COL4A3: variants seen among roughly 807,000 people sequenced by gnomAD.
COL4A3 encodes collagen type IV alpha 3 chain, also known as collagen alpha-3(IV) chain.
A neutral mutation model predicts 217.4 loss-of-function variants in COL4A3; 135 were observed. The observed-to-expected ratio is 0.62, with a 90% CI of 0.54 to 0.72. The LOEUF (loss-of-function observed/expected upper bound fraction) is 0.72, where lower values mean the gene tolerates loss of function less well. Among genes scored for constraint, COL4A3 ranks in the 30% least tolerant of loss-of-function variants. The probability of loss-of-function intolerance (pLI) is 0.00; values close to 1 mark genes in which losing one functional copy is unlikely to be tolerated. For missense variants in COL4A3, 1,868 were observed against 2,119.9 expected (o/e 0.88, Z 2.33); for synonymous variants, 690 against 736.3 (o/e 0.94, Z 1.02).
chr2:227,292,558 T>C (rs181007276), intron 37 of COL4A3, among the ~76,000 whole-genome samples: 196 of 152,352 alleles, frequency 1.3e-3, no homozygotes, highest in Admixed American at 7.9e-3. Context: ...TTGGCTACCA[T>C]AGAAATTTTG....
intron 1 of COL4A3, among the ~76,000 whole-genome samples, chr2:227,218,080 C>CTATATATAGA (rs370637644): frequency 8.4e-6 from 1 of 118,378 alleles, no homozygotes; most frequent in Admixed American, 9.0e-5. Context: ...ATATATATAG[C>CTATATATAGA]TATATATATA....
chr2:227,254,691 T>G lies in COL4A3; in HGVS notation c.864T>G (p.Gly288=). The G allele has an allele frequency of 6.2e-7, 1 of 1,613,566 alleles. No individual in the cohort carries two copies. Among genetic ancestry groups the G allele is most frequent in the Non-Finnish European group, 8.5e-7 (1 of 1,179,570 alleles). Residue 288 remains glycine, a synonymous_variant, in exon 15 of 52, where the codon GGT becomes GGG. Coordinates refer to ENST00000396578, the MANE Select transcript of COL4A3 (RefSeq NM_000091.5). ...GAGAATCATATGGATCTGAAAAGGG[T>G]GCTCCTGGAGACCCTGGCCTGCAGG... The part of the protein sequence containing the change: ...LPGESYGSEK[G]APGDPGLQGK...
intron 30 of COL4A3, 148 bp from the exon 31 acceptor site, chr2:227,280,745 A>G: frequency 9.2e-7 from 1 of 1,084,352 alleles, no homozygotes; most frequent in East Asian, 2.4e-5. Flanking sequence ...TTCTTTTTTA[A>G]TGAGTGCCCT....
Position 227,272,980 on chromosome 2 carries a change from C to T in COL4A3, c.1790C>T (p.Pro597Leu), listed in dbSNP as rs781163705. 6.3e-5 allele frequency: 101 copies of T among 1,614,020 alleles called. 1 individual carries two copies. In the East Asian group the frequency reaches 9.1e-4, roughly 15 times the overall value. Residue 597 changes from proline to leucine, a missense_variant, in exon 26 of 52, where the codon CCT (proline) becomes CTT (leucine). Physicochemically the swap from Pro to Leu is moderately conservative, Grantham distance 98. This residue lies in a region of COL4A3 where 1,503 missense variants were observed against 1,786.1 expected (regional missense o/e 0.84). Coordinates refer to ENST00000396578, the MANE Select transcript of COL4A3 (RefSeq NM_000091.5). Reference protein sequence around the residue: ...ALSGEKGDQGPPGDPGSPGSP... With the variant: ...ALSGEKGDQGLPGDPGSPGSP... ...AGTGGTGAGAAAGGGGACCAAGGTC[C>T]TCCAGGGGATCCTGGCTCCCCTGGG...
At chr2:227,177,072 T>C (rs1388406129) in intron 1 of COL4A3, among the ~76,000 whole-genome samples, 1 of 151,658 alleles carries the variant, frequency 6.6e-6, no homozygotes, top group Non-Finnish European at 1.5e-5. Context: ...TCCTTCCAGA[T>C]TTTTTTTTCT....
chr2:227,227,830 C>T (rs1476353728), intron 1 of COL4A3: 1 of 152,166 alleles, frequency 6.6e-6, no homozygotes, highest in Non-Finnish European at 1.5e-5. Flanking sequence ...ATCAAGGGAT[C>T]CCGTGGAGCC....
chr2:227,273,352 T>C (rs1261837582), intron 26 of COL4A3, among the ~76,000 whole-genome samples: 1 of 152,166 alleles, frequency 6.6e-6, no homozygotes, highest in Non-Finnish European at 1.5e-5. Flanking sequence ...ATCTATTACA[T>C]ACATACATAT....
chr2:227,175,481 A>AT (rs1200055387), intron 1 of COL4A3, among the ~76,000 whole-genome samples: 1 of 152,182 alleles, frequency 6.6e-6, no homozygotes, highest in African/African-American at 2.4e-5. Context: ...AAAAAATGAA[A>AT]TAAAAAAAAC....
At chr2:227,305,954 G>A (rs990641479) in intron 47 of COL4A3, among the ~76,000 whole-genome samples, 2 of 151,978 alleles carry the variant, frequency 1.3e-5, no homozygotes, top group East Asian at 1.9e-4. Context: ...ATATTAAAAT[G>A]GTAAAGACTA....
In COL4A3 at chr2:227,246,651, C is replaced by T. The variant is rs200909738; in HGVS notation, c.388-34C>T. The T allele has an allele frequency of 2.6e-6, 4 of 1,561,128 alleles. No homozygotes were observed. In the Admixed American group the frequency reaches 6.7e-5, roughly 26 times the overall value. On this transcript the variant is annotated intron_variant, in intron 6 of 51. Transcript: ENST00000396578. ...ATCTGAATAGGCTCTTCTAGAACAA[C>T]TAAGAATAATAAGAAACTTTGTATG...
chr2:227,232,704 A>AT lies in COL4A3; in HGVS notation c.88-5258dup, dbSNP rs532757095. Among the ~76,000 whole-genome samples, 11 of 152,224 alleles carry AT rather than the reference A, an allele frequency of 7.2e-5. No homozygotes were observed. The South Asian group carries it at 2.1e-3, about 29-fold the overall frequency. On this transcript the variant is annotated intron_variant, in intron 1 of 51. Coordinates refer to ENST00000396578, the MANE Select transcript of COL4A3 (RefSeq NM_000091.5). ...AAATGTCTATTCAAATCTTTTGCCC[A>AT]TTTTTTGACCAGATGGTTTTAAATT...
rs1574658274 is a variant in COL4A3 at position 227,240,166 on chromosome 2, C to T, written c.168C>T (p.Pro56=). ...GEKGEKGFPG[P]PGSPGQKGFT... is the part of the protein sequence containing the mutation. ...AGGGGGAGAAGGGCTTTCCTGGACCCCCCGGTTCTCCTGGCCAGAAAGGAT... is the reference window on the plus strand; with the variant it reads ...AGGGGGAGAAGGGCTTTCCTGGACCTCCCGGTTCTCCTGGCCAGAAAGGAT... Residue 56 remains proline, a synonymous_variant, in exon 3 of 52, where the codon CCC becomes CCT. Coordinates refer to ENST00000396578, the MANE Select transcript of COL4A3 (RefSeq NM_000091.5). 2 of 1,610,762 alleles carry T rather than the reference C, an allele frequency of 1.2e-6. No individual in the cohort carries two copies. Among genetic ancestry groups the T allele is most frequent in the Admixed American group, 1.7e-5 (1 of 59,662 alleles).
intron 47 of COL4A3, 95 bp from the exon 48 acceptor site, chr2:227,307,615 C>A: frequency 9.5e-7 from 1 of 1,047,972 alleles, no homozygotes; most frequent in Non-Finnish European, 1.4e-6. Flanking sequence ...AATTTATGGG[C>A]TCAACATATA....
rs1328949436 is a variant in COL4A3, at chr2:227,259,867, T to C, written c.1104T>C (p.Arg368=). The change falls in exon 19 of 52, where the codon CGT becomes CGC. Residue 368 remains arginine (R), a synonymous_variant. Transcript: ENST00000396578. The part of the protein sequence containing the change: ...TPGPPGPRGA[R]GPQGPSGPPG... ...GCCCACCAGGGCCCAGAGGAGCTCG[T>C]GGCCCACAAGGTAAGAATAAATTTC... The C allele has an allele frequency of 6.2e-7, 1 of 1,612,544 alleles. No individual in the cohort carries two copies. The highest frequency in any genetic ancestry group is 8.5e-7 in the Non-Finnish European group (1 of 1,178,496).
chr2:227,165,699 A>G (rs144829737), intron 1 of COL4A3, among the ~76,000 whole-genome samples: 68 of 152,348 alleles, frequency 4.5e-4, no homozygotes, highest in African/African-American at 1.6e-3. Flanking sequence ...TACAAATGTT[A>G]TCATTGAGAT....
intron 23 of COL4A3, among the ~76,000 whole-genome samples, chr2:227,268,062 T>C (rs1204629916): frequency 2.0e-5 from 3 of 152,196 alleles, no homozygotes; most frequent in Admixed American, 6.5e-5. Flanking sequence ...GGCCTCTCTC[T>C]CCCTCGCTAC....
intron 1 of COL4A3, among the ~76,000 whole-genome samples, chr2:227,178,959 A>C (rs2065782916): frequency 1.3e-5 from 2 of 151,740 alleles, no homozygotes; most frequent in Non-Finnish European, 2.9e-5. Context: ...AATCATCATT[A>C]TTATTATTTT....
intron 14 of COL4A3, 62 bp downstream of exon 14, chr2:227,254,236 TG>T: frequency 1.4e-6 from 2 of 1,439,864 alleles, no homozygotes; most frequent in Non-Finnish European, 9.8e-7. Context: ...GTATTTACTT[TG>T]ATGTGTGTTT....
In COL4A3 at chr2:227,203,485, G is replaced by A. The variant is rs867468793; in HGVS notation, c.88-34483G>A. Among the ~76,000 whole-genome samples the A allele has an allele frequency of 8.6e-5, 4 of 46,638 alleles. 1 individual carries two copies. The highest frequency in any genetic ancestry group is 1.2e-4 in the Non-Finnish European group (3 of 25,556). The allele number at this position is 46,638 out of a possible 152,430, so 30.6% of individuals were successfully genotyped here. On this transcript the variant is annotated intron_variant, in intron 1 of 51. Coordinates refer to ENST00000396578, the MANE Select transcript of COL4A3 (RefSeq NM_000091.5). ...TGTGTGTATATATGTGTATACATATGTGTGTATATGTGTATATATACATAT... is the reference window on the plus strand; with the variant it reads ...TGTGTGTATATATGTGTATACATATATGTGTATATGTGTATATATACATAT...
Sources: gnomAD v4.1 joint callset for allele counts (sites outside exome capture counted in the v4.1 genomes callset) on GRCh38, gnomAD v4.1.1 for gene constraint, gnomAD v4.1.1 regional missense constraint, MANE v1.5 for transcripts, NCBI Gene and HGNC (gene_info 2026-07-23, HGNC 2026-07-21) for gene names.